Variants in SPAG6 observed in about 807,000 individuals in gnomAD.
The protein encoded by SPAG6 is sperm-associated antigen 6.
In SPAG6, 49 loss-of-function variants were observed where a neutral mutation model predicts 58.5. That is an observed-to-expected ratio of 0.84 (90% CI 0.67 to 1.06). The LOEUF (loss-of-function observed/expected upper bound fraction) is 1.06. SPAG6 is among the 50% of genes least tolerant of loss of function. SPAG6 has a pLI of 0.00. For missense variants in SPAG6, 560 were observed against 611.3 expected, an observed-to-expected ratio of 0.92 and a Z score of 0.89; for synonymous variants, 233 against 225.6, an observed-to-expected ratio of 1.03 and a Z score of -0.29.
intron 7 of SPAG6, among the ~76,000 whole-genome samples, chr10:22,390,593 A>G (rs1469853238): frequency 6.6e-6 from 1 of 152,134 alleles, no homozygotes; most frequent in African/African-American, 2.4e-5. Context: ...TGCATTCCTT[A>G]TCTTATTTGT....
chr10:22,406,655 T>C (rs1001310506), intron 9 of SPAG6, among the ~76,000 whole-genome samples: 1 of 152,212 alleles, frequency 6.6e-6, no homozygotes, highest in African/African-American at 2.4e-5. Context: ...CTATTAGGTC[T>C]GCTTGGTGCA....
In SPAG6 at chr10:22,411,067, G is replaced by C; in HGVS notation, c.1351G>C (p.Val451Leu). Residue 451 changes from valine (V) to leucine (L), a missense_variant, in exon 10 of 11, where the codon GTA (valine) becomes CTA (leucine). Transcript: ENST00000376624. ...TGATAGCAAAGCTCGACGACTTTTTGTAACAAGTGGTGGCCTTAAAAAAGT... is the reference window on the plus strand; with the variant it reads ...TGATAGCAAAGCTCGACGACTTTTTCTAACAAGTGGTGGCCTTAAAAAAGT... Reference protein sequence around the residue: ...PHDSKARRLFVTSGGLKKVQE... With the variant: ...PHDSKARRLFLTSGGLKKVQE... The C allele has an allele frequency of 6.2e-7, 1 of 1,613,996 alleles. No homozygotes were observed. The highest frequency in any genetic ancestry group is 8.5e-7 in the Non-Finnish European group (1 of 1,179,954).
chr10:22,364,710 T>C (rs1837143645), intron 2 of SPAG6, 143 bp from the exon 3 acceptor site: 2 of 580,786 alleles, frequency 3.4e-6, no homozygotes, highest in African/African-American at 3.8e-5. Context: ...TAGGTACTTC[T>C]AAATTTCCAT....
intron 4 of SPAG6, among the ~76,000 whole-genome samples, chr10:22,379,361 A>G (rs1588653799): frequency 6.6e-6 from 1 of 152,292 alleles, no homozygotes; most frequent in East Asian, 1.9e-4. Context: ...CGTTGCACCA[A>G]TGCACTATAG....
Position 22,401,251 on chromosome 10 carries a change from A to C in SPAG6, c.1288A>C (p.Lys430Gln). Residue 430 changes from lysine to glutamine, a missense_variant, in exon 9 of 11, where the codon AAA becomes CAA. Physicochemically the swap from Lys to Gln is moderately conservative, Grantham distance 53. Transcript: ENST00000376624. The stretch of plus-strand genomic sequence containing the variant: ...ATATGATGCTCCTCCCAATATTCTG[A>C]AACATGTGGTTGGACAGTTCAGTAA... ...FLYDAPPNIL[K>Q]HVVGQFSKVL... is the part of the protein sequence containing the mutation. The C allele has an allele frequency of 6.3e-7, 1 of 1,586,450 alleles. No individual in the cohort carries two copies. Among genetic ancestry groups the C allele is most frequent in the Non-Finnish European group, 8.7e-7 (1 of 1,155,042 alleles).
At chr10:22,367,861 AAG>A (rs1837240951) in intron 3 of SPAG6, among the ~76,000 whole-genome samples, 2 of 152,234 alleles carry the variant, frequency 1.3e-5, no homozygotes, top group African/African-American at 4.8e-5. Flanking sequence ...CTTAAAAAAA[AAG>A]CATTTCTAGA....
intron 4 of SPAG6, among the ~76,000 whole-genome samples, chr10:22,386,545 A>G (rs977380864): frequency 3.3e-5 from 5 of 152,160 alleles, no homozygotes; most frequent in Non-Finnish European, 7.3e-5. Context: ...GTTCATGTAA[A>G]TGGAGGTCCA....
At chr10:22,358,506 G>T (rs1244703793) in intron 2 of SPAG6, among the ~76,000 whole-genome samples, 1 of 151,938 alleles carries the variant, frequency 6.6e-6, no homozygotes, top group East Asian at 1.9e-4. Context: ...AGTAGGTTGC[G>T]AAAATTTTCT....
At chr10:22,362,624 G>T (rs959390400) in intron 2 of SPAG6, among the ~76,000 whole-genome samples, 3 of 152,000 alleles carry the variant, frequency 2.0e-5, no homozygotes, top group Non-Finnish European at 1.5e-5. Context: ...TCAGTTATTT[G>T]TGAGGCTGAG....
At chr10:22,373,178 G>A (rs970672665) in intron 4 of SPAG6, among the ~76,000 whole-genome samples, 2 of 152,026 alleles carry the variant, frequency 1.3e-5, no homozygotes, top group African/African-American at 4.8e-5. Context: ...AGCTTGCTGC[G>A]CCAGAGATGA....
intron 9 of SPAG6, among the ~76,000 whole-genome samples, 156 bp downstream of exon 9, chr10:22,401,433 A>T (rs1431042853): frequency 2.6e-5 from 4 of 152,192 alleles, no homozygotes; most frequent in African/African-American, 9.7e-5. Flanking sequence ...TTACCTTAAT[A>T]AAATTCACAT....
intron 2 of SPAG6, among the ~76,000 whole-genome samples, chr10:22,350,429 A>G (rs1052393845): frequency 1.3e-5 from 2 of 152,018 alleles, no homozygotes; most frequent in East Asian, 1.9e-4. Context: ...GTTTCCTTAG[A>G]AAAAAAATGG....
At chr10:22,387,331 A>C (rs1230529349) in intron 5 of SPAG6, among the ~76,000 whole-genome samples, 1 of 152,168 alleles carries the variant, frequency 6.6e-6, no homozygotes, top group Admixed American at 6.6e-5. Context: ...AGCTTTCTAA[A>C]ATCTGATTTT....
chr10:22,415,814 T>TTATA (rs931012310), intron 10 of SPAG6, among the ~76,000 whole-genome samples: 2 of 152,154 alleles, frequency 1.3e-5, no homozygotes, highest in African/African-American at 4.8e-5. Context: ...AATTTTTGAA[T>TTATA]TATACTTCCA....
intron 8 of SPAG6, among the ~76,000 whole-genome samples, chr10:22,393,408 G>A (rs996281979): frequency 3.3e-5 from 5 of 152,074 alleles, no homozygotes; most frequent in African/African-American, 1.2e-4. Context: ...TTAGGTAAGA[G>A]TATGTACTTT....
chr10:22,394,967 C>T (rs751579531), intron 8 of SPAG6, among the ~76,000 whole-genome samples: 4 of 152,158 alleles, frequency 2.6e-5, no homozygotes, highest in African/African-American at 9.7e-5. Flanking sequence ...ACCTTGACCT[C>T]CCAAAGCACT....
chr10:22,407,633 G>A (rs1357681372), intron 9 of SPAG6, among the ~76,000 whole-genome samples: 7 of 151,818 alleles, frequency 4.6e-5, no homozygotes, highest in South Asian at 2.1e-4. Context: ...TGCTCTTCTC[G>A]AGGAGTATCT....
chr10:22,364,914 T>A lies in SPAG6; in HGVS notation c.183T>A (p.Ala61=). The A allele has an allele frequency of 6.2e-7, 1 of 1,613,568 alleles. No individual in the cohort carries two copies. Among genetic ancestry groups the A allele is most frequent in the Non-Finnish European group, 8.5e-7 (1 of 1,179,608 alleles). Residue 61 remains alanine (A), a synonymous_variant, in exon 3 of 11, where the codon GCT becomes GCA. Coordinates refer to ENST00000376624, the MANE Select transcript of SPAG6 (RefSeq NM_012443.4). The part of the protein sequence containing the change: ...LDVVPTIQQT[A]ALALGRLANY... ...TGGTCCCAACAATTCAACAGACTGC[T>A]GCTTTGGCTCTTGGGAGACTGGCCA...
chr10:22,361,713 G>A (rs1014134550), intron 2 of SPAG6, among the ~76,000 whole-genome samples: 1 of 152,000 alleles, frequency 6.6e-6, no homozygotes, highest in Non-Finnish European at 1.5e-5. Context: ...GTTCCCTTGG[G>A]TATATGGAAT....
Sources: allele counts gnomAD v4.1 joint callset (sites outside exome capture counted in the v4.1 genomes callset), GRCh38; gene constraint gnomAD v4.1.1; transcripts MANE v1.5; gene names NCBI Gene and HGNC (gene_info 2026-07-23, HGNC 2026-07-21).